CDYL2: variants seen among roughly 807,000 people sequenced by gnomAD.
CDYL2 encodes chromodomain Y-like protein 2.
A neutral mutation model predicts 49.4 loss-of-function variants in CDYL2; 23 were observed. That is an observed-to-expected ratio of 0.47 (90% CI 0.34 to 0.66). The LOEUF (loss-of-function observed/expected upper bound fraction) is 0.66, where lower values mean the gene tolerates loss of function less well. CDYL2 is among the 30% of genes least tolerant of loss of function. The pLI is 0.01. For synonymous variants in CDYL2, 360 were observed against 268.8 expected (o/e 1.34, Z -3.32); for missense variants, 678 against 656.4 (o/e 1.03, Z -0.36).
chr16:80,737,601 T>C (rs1285157206), intron 1 of CDYL2, among the ~76,000 whole-genome samples: 2 of 152,198 alleles, frequency 1.3e-5, no homozygotes, highest in Non-Finnish European at 1.5e-5. Context: ...GTGGTGGTTT[T>C]CTCTTTGTCT....
chr16:80,730,395 A>G (rs995398158), intron 1 of CDYL2, among the ~76,000 whole-genome samples: 2 of 152,100 alleles, frequency 1.3e-5, no homozygotes, highest in Admixed American at 6.5e-5. Context: ...TCCCAAGACT[A>G]AACCAGGAAG....
intron 2 of CDYL2, among the ~76,000 whole-genome samples, chr16:80,656,029 G>A (rs1908795386): frequency 6.6e-6 from 1 of 152,218 alleles, no homozygotes; most frequent in African/African-American, 2.4e-5. Flanking sequence ...AAGCAAGGAA[G>A]CCACACGAGC....
intron 1 of CDYL2, among the ~76,000 whole-genome samples, chr16:80,770,199 T>C (rs1443985488): frequency 6.6e-6 from 1 of 152,158 alleles, no homozygotes; most frequent in African/African-American, 2.4e-5. Flanking sequence ...CATGAGTTAA[T>C]AAAGTAATAA....
chr16:80,782,562 A>G (rs1907306149), intron 1 of CDYL2, among the ~76,000 whole-genome samples: 1 of 149,888 alleles, frequency 6.7e-6, no homozygotes, highest in African/African-American at 2.4e-5. Context: ...ACTACAGGCC[A>G]ATATCCCTGA....
chr16:80,794,422 A>G (rs1907705372), intron 1 of CDYL2, among the ~76,000 whole-genome samples: 1 of 152,148 alleles, frequency 6.6e-6, no homozygotes, highest in Admixed American at 6.5e-5. Flanking sequence ...TGCATTTACC[A>G]GAAGTTCCAA....
At chr16:80,721,731 G>A (rs1373982898) in intron 1 of CDYL2, among the ~76,000 whole-genome samples, 1 of 152,174 alleles carries the variant, frequency 6.6e-6, no homozygotes, top group Admixed American at 6.5e-5. Context: ...CCACCCTTCA[G>A]CTTCTCCAGG....
chr16:80,798,948 T>C (rs1907845836), intron 1 of CDYL2, among the ~76,000 whole-genome samples: 1 of 152,134 alleles, frequency 6.6e-6, no homozygotes, highest in South Asian at 2.1e-4. Context: ...AAAATTAAAC[T>C]GTCATTTAAA....
At chr16:80,708,371 C>A (rs1294166797) in intron 1 of CDYL2, among the ~76,000 whole-genome samples, 1 of 152,196 alleles carries the variant, frequency 6.6e-6, no homozygotes, top group Admixed American at 6.5e-5. Context: ...TCTGCACAAG[C>A]TCTCTTGCCT....
At chr16:80,627,331 A>G (rs1907349548) in intron 3 of CDYL2, among the ~76,000 whole-genome samples, 2 of 152,214 alleles carry the variant, frequency 1.3e-5, no homozygotes, top group African/African-American at 4.8e-5. Context: ...AGGTGAACTG[A>G]AATTCTATAG....
chr16:80,777,997 A>G (rs1384448300), intron 1 of CDYL2, among the ~76,000 whole-genome samples: 1 of 152,052 alleles, frequency 6.6e-6, no homozygotes, highest in Non-Finnish European at 1.5e-5. Flanking sequence ...TGTGTGTGCT[A>G]TTAAATATGG....
intron 1 of CDYL2, among the ~76,000 whole-genome samples, chr16:80,772,282 G>T (rs573544916): frequency 1.3e-5 from 2 of 152,084 alleles, no homozygotes; most frequent in African/African-American, 4.8e-5. Context: ...GGGAAGTAAA[G>T]ACACAAAAAT....
chr16:80,646,012 G>C (rs1908327119), intron 2 of CDYL2, among the ~76,000 whole-genome samples: 1 of 121,234 alleles, frequency 8.2e-6, no homozygotes, highest in Non-Finnish European at 1.7e-5. Flanking sequence ...GGAGGGGGGA[G>C]GGATGGCATT....
chr16:80,712,200 T>C (rs1436628690), intron 1 of CDYL2, among the ~76,000 whole-genome samples: 2 of 121,438 alleles, frequency 1.6e-5, no homozygotes, highest in African/African-American at 5.3e-5. Flanking sequence ...TGTATATATA[T>C]ATATATATAT....
chr16:80,789,415 C>T (rs1255757249), intron 1 of CDYL2, among the ~76,000 whole-genome samples: 1 of 152,160 alleles, frequency 6.6e-6, no homozygotes, highest in Non-Finnish European at 1.5e-5. Flanking sequence ...GCCTGGCCGA[C>T]ATGGTGAAAC....
chr16:80,685,378 C>T (rs189254200), intron 1 of CDYL2, among the ~76,000 whole-genome samples: 78 of 152,304 alleles, frequency 5.1e-4, no homozygotes, highest in African/African-American at 1.7e-3. Flanking sequence ...CTAGATGACA[C>T]GCCCAGCTGG....
chr16:80,646,331 CT>C (rs1330821473), intron 2 of CDYL2, among the ~76,000 whole-genome samples: 7 of 151,860 alleles, frequency 4.6e-5, no homozygotes, highest in Non-Finnish European at 7.4e-5. Context: ...CAAAAATCAC[CT>C]TCACTAAAAG....
chr16:80,665,456 C>T (rs1019682233), intron 2 of CDYL2, among the ~76,000 whole-genome samples: 6 of 147,742 alleles, frequency 4.1e-5, no homozygotes, highest in Non-Finnish European at 8.9e-5. Flanking sequence ...TTCTCATTCA[C>T]TGCCACCAAG....
At chr16:80,718,225 A>G (rs1904878280) in intron 1 of CDYL2, among the ~76,000 whole-genome samples, 1 of 152,256 alleles carries the variant, frequency 6.6e-6, no homozygotes. Context: ...TTGTCTTCAC[A>G]CAAAATTGAA....
intron 2 of CDYL2, among the ~76,000 whole-genome samples, chr16:80,645,864 T>C (rs1205446832): frequency 2.0e-5 from 3 of 151,244 alleles, no homozygotes; most frequent in African/African-American, 7.3e-5. Context: ...AAACCATCAT[T>C]CTCAGCAAAC....
Sources: allele counts gnomAD v4.1 joint callset (sites outside exome capture counted in the v4.1 genomes callset), GRCh38; gene constraint gnomAD v4.1.1; transcripts MANE v1.5; gene names NCBI Gene and HGNC (gene_info 2026-07-23, HGNC 2026-07-21).